RMST: variants seen among roughly 807,000 people sequenced by gnomAD.
RMST encodes rhabdomyosarcoma 2 associated transcript.
intron 5 of RMST, among the ~76,000 whole-genome samples, chr12:97,469,180 GTATGTGTGTATA>G (rs1873581280): frequency 8.5e-6 from 1 of 117,312 alleles, no homozygotes; most frequent in African/African-American, 3.2e-5. Flanking sequence ...GTGTGTGTGT[GTATGTGTGTATA>G]TATATACACA....
chr12:97,469,325 G>A (rs1873615777), intron 5 of RMST, among the ~76,000 whole-genome samples: 1 of 151,782 alleles, frequency 6.6e-6, no homozygotes, highest in Non-Finnish European at 1.5e-5. Context: ...TATGTATTTA[G>A]AAAGTCTAAA....
At chr12:97,558,584 C>T (rs538317740) in intron 11 of RMST, among the ~76,000 whole-genome samples, 1 of 152,126 alleles carries the variant, frequency 6.6e-6, no homozygotes, top group Non-Finnish European at 1.5e-5. Flanking sequence ...TTCAAATATA[C>T]AGCTGAGTTT....
intron 10 of RMST, among the ~76,000 whole-genome samples, chr12:97,524,497 G>A (rs1290259649): frequency 6.6e-6 from 1 of 152,212 alleles, no homozygotes; most frequent in Admixed American, 6.5e-5. Flanking sequence ...CTAAAATTAT[G>A]ATGCTGACAA....
At chr12:97,558,476 G>A (rs939701220) in intron 11 of RMST, among the ~76,000 whole-genome samples, 6 of 152,208 alleles carry the variant, frequency 3.9e-5, no homozygotes, top group African/African-American at 1.4e-4. Flanking sequence ...ATTGAGGATA[G>A]CAGATGTCCA....
intron 5 of RMST, among the ~76,000 whole-genome samples, chr12:97,468,710 G>A (rs901158956): frequency 4.6e-5 from 7 of 151,948 alleles, no homozygotes; most frequent in Admixed American, 2.0e-4. Context: ...ATAGTTTACC[G>A]TAGAGATCCT....
chr12:97,526,734 T>A (rs779743404), intron 10 of RMST, among the ~76,000 whole-genome samples: 4 of 152,218 alleles, frequency 2.6e-5, no homozygotes, highest in Non-Finnish European at 2.9e-5. Flanking sequence ...TTGTTATTAC[T>A]GATTTGAGTG....
intron 11 of RMST, among the ~76,000 whole-genome samples, chr12:97,549,530 G>A (rs1883171984): frequency 6.6e-6 from 1 of 152,236 alleles, no homozygotes; most frequent in Non-Finnish European, 1.5e-5. Flanking sequence ...CATTCAGCAA[G>A]GATGCCATTC....
At chr12:97,534,882 T>G (rs1208178781) in intron 11 of RMST, among the ~76,000 whole-genome samples, 1 of 151,686 alleles carries the variant, frequency 6.6e-6, no homozygotes, top group Non-Finnish European at 1.5e-5. Context: ...ACCAATGGTG[T>G]TGTTTTATTT....
chr12:97,500,782 C>T (rs1456096406), intron 10 of RMST, among the ~76,000 whole-genome samples: 1 of 152,222 alleles, frequency 6.6e-6, no homozygotes, highest in African/African-American at 2.4e-5. Flanking sequence ...CGACCCTGAA[C>T]ACTCCACTGC....
chr12:97,490,598 C>T (rs149251389), intron 5 of RMST, among the ~76,000 whole-genome samples: 2 of 152,242 alleles, frequency 1.3e-5, no homozygotes, highest in East Asian at 3.9e-4. Context: ...ACCTCCACCG[C>T]CGTCATCATT....
intron 10 of RMST, among the ~76,000 whole-genome samples, chr12:97,506,707 G>A (rs1409144784): frequency 9.5e-6 from 1 of 105,580 alleles, no homozygotes; most frequent in Non-Finnish European, 1.7e-5. Context: ...TTTTGGAGAT[G>A]TAGTCTTGCT....
At chr12:97,526,185 C>T (rs1371630347) in intron 10 of RMST, among the ~76,000 whole-genome samples, 1 of 151,822 alleles carries the variant, frequency 6.6e-6, no homozygotes, top group Non-Finnish European at 1.5e-5. Context: ...TGAAACCATC[C>T]CCCACCCCAC....
intron 10 of RMST, among the ~76,000 whole-genome samples, chr12:97,526,907 A>C (rs535134177): frequency 2.0e-5 from 3 of 152,280 alleles, no homozygotes; most frequent in Admixed American, 6.5e-5. Context: ...TGTTAGTCAC[A>C]GTCTTCATAA....
At chr12:97,546,762 A>T (rs1882961679) in intron 11 of RMST, among the ~76,000 whole-genome samples, 1 of 152,058 alleles carries the variant, frequency 6.6e-6, no homozygotes, top group African/African-American at 2.4e-5. Flanking sequence ...GGTTCAAGGA[A>T]GCTAATTAAC....
intron 5 of RMST, chr12:97,491,824 G>T: frequency 4.3e-6 from 2 of 463,862 alleles, no homozygotes; most frequent in Admixed American, 2.1e-5. Context: ...GTCGTCATGG[G>T]TCATTTTCAT....
chr12:97,515,968 G>T (rs772589921), intron 10 of RMST, among the ~76,000 whole-genome samples: 1 of 151,808 alleles, frequency 6.6e-6, no homozygotes, highest in Non-Finnish European at 1.5e-5. Flanking sequence ...TATATATTTT[G>T]TCTCTTCTAT....
At chr12:97,477,957 C>T (rs1555229544) in intron 5 of RMST, among the ~76,000 whole-genome samples, 1 of 152,166 alleles carries the variant, frequency 6.6e-6, no homozygotes, top group Non-Finnish European at 1.5e-5. Flanking sequence ...CTTGGTATGA[C>T]TGAATGTCAG....
intron 5 of RMST, among the ~76,000 whole-genome samples, chr12:97,477,087 G>A (rs1874638112): frequency 6.6e-6 from 1 of 152,156 alleles, no homozygotes; most frequent in African/African-American, 2.4e-5. Context: ...AAATAAAATA[G>A]GAATGGTTAG....
chr12:97,535,397 A>T (rs973706545), intron 11 of RMST, among the ~76,000 whole-genome samples: 1 of 151,694 alleles, frequency 6.6e-6, no homozygotes, highest in Non-Finnish European at 1.5e-5. Flanking sequence ...TTTTAACTCA[A>T]ATGCCTTCAG....
Sources: gnomAD v4.1 joint callset for allele counts (sites outside exome capture counted in the v4.1 genomes callset) on GRCh38, gnomAD v4.1.1 for gene constraint, MANE v1.5 for transcripts, NCBI Gene and HGNC (gene_info 2026-07-23, HGNC 2026-07-21) for gene names.